The following ENTPD7 variants were observed in gnomAD, a reference collection of about 807,000 sequenced individuals.
ENTPD7 encodes the protein NTPDase 7.
A neutral mutation model predicts 77.9 loss-of-function variants in ENTPD7; 53 were observed. That is an observed-to-expected ratio of 0.68 (90% CI 0.55 to 0.85). ENTPD7 has a LOEUF of 0.85. Among genes scored for constraint, ENTPD7 ranks in the 40% least tolerant of loss-of-function variants. The pLI is 0.00. For missense variants in ENTPD7, 636 were observed against 743.7 expected (o/e 0.86, Z 1.68); for synonymous variants, 248 against 274.9 (o/e 0.90, Z 0.97).
At chr10:99,678,276 G>A (rs1260224096) in intron 3 of ENTPD7, among the ~76,000 whole-genome samples, 3 of 151,524 alleles carry the variant, frequency 2.0e-5, no homozygotes, top group Non-Finnish European at 4.4e-5. Flanking sequence ...AGACCATCCT[G>A]GCTAACACGG....
In ENTPD7 at chr10:99,696,083, A is replaced by G; in HGVS notation, c.971A>G (p.Tyr324Cys). 1 of 1,614,226 alleles carries G rather than the reference A, an allele frequency of 6.2e-7. No homozygotes were observed. The highest frequency in any genetic ancestry group is 8.5e-7 in the Non-Finnish European group (1 of 1,180,030). ...GGAGGCAACTTTGCCCGGCAGCGCT[A>G]CGAAGACCTTGTTCTGAATGAAACT... Reference protein sequence around the residue: ...GFGGNFARQRYEDLVLNETLN... With the variant: ...GFGGNFARQRCEDLVLNETLN... The change falls in exon 9 of 13, where the codon TAC (tyrosine) becomes TGC (cysteine). Residue 324 changes from tyrosine (Y) to cysteine (C), a missense_variant. Physicochemically the swap from Tyr to Cys is radical, Grantham distance 194. Transcript: ENST00000370489.
chr10:99,681,459 T>G (rs1006799301), intron 5 of ENTPD7, among the ~76,000 whole-genome samples: 5 of 152,034 alleles, frequency 3.3e-5, no homozygotes, highest in African/African-American at 9.7e-5. Flanking sequence ...TTTGTATTTT[T>G]TTTTGTAGAG....
chr10:99,685,024 G>A (rs950665015), intron 5 of ENTPD7, among the ~76,000 whole-genome samples: 4 of 152,160 alleles, frequency 2.6e-5, no homozygotes, highest in Non-Finnish European at 5.9e-5. Flanking sequence ...TTGGGAGGCC[G>A]AGGCAGGTGA....
intron 8 of ENTPD7, among the ~76,000 whole-genome samples, chr10:99,693,956 T>C (rs1590051656): frequency 6.6e-6 from 1 of 152,090 alleles, no homozygotes; most frequent in East Asian, 1.9e-4. Flanking sequence ...AGCAATATAA[T>C]GGCTCTTCAA....
At chr10:99,688,891 G>T in intron 7 of ENTPD7, 141 bp downstream of exon 7, 1 of 759,936 alleles carries the variant, frequency 1.3e-6, no homozygotes, top group African/African-American at 1.8e-5. Context: ...GTCCTAATTT[G>T]CTTTCTTTGA....
chr10:99,698,658 T>C lies in ENTPD7; in HGVS notation c.1135T>C (p.Trp379Arg). 6.2e-7 allele frequency: 1 copy of C among 1,614,200 alleles called. No individual in the cohort carries two copies. The highest frequency in any genetic ancestry group is 1.7e-5 in the Admixed American group (1 of 60,008). ...QVLHVRGRGD[W>R]VSCGAMLSPL... is the part of the protein sequence containing the mutation. The stretch of plus-strand genomic sequence containing the variant: ...CTTACATGTCCGAGGAAGAGGAGAC[T>C]GGGTGTCTTGTGGGGCAATGCTGAG... Residue 379 changes from tryptophan to arginine, a missense_variant, in exon 10 of 13, where the codon TGG becomes CGG. Transcript: ENST00000370489.
At chr10:99,662,511 A>G (rs902167968) in intron 3 of ENTPD7, among the ~76,000 whole-genome samples, 1 of 152,114 alleles carries the variant, frequency 6.6e-6, no homozygotes, top group African/African-American at 2.4e-5. Flanking sequence ...TCTACATGTT[A>G]TAAGCTCCAC....
chr10:99,704,540 A>G lies in ENTPD7; in HGVS notation c.1672A>G (p.Ile558Val), dbSNP rs746475001. Residue 558 changes from isoleucine to valine, a missense_variant, in exon 13 of 13, where the codon ATC (isoleucine) becomes GTC (valine). Ile to Val is a conservative substitution (Grantham distance 29). Coordinates refer to ENST00000370489, the MANE Select transcript of ENTPD7 (RefSeq NM_020354.5). ...VYNHYLFFACILVVLLAIFLY... is the reference protein window; with the variant it reads ...VYNHYLFFACVLVVLLAIFLY... ...CAACCACTATCTCTTCTTTGCCTGT[A>G]TCCTGGTGGTGCTACTGGCCATCTT... is the stretch of plus-strand genomic sequence containing the variant. 1.2e-6 allele frequency: 2 copies of G among 1,613,974 alleles called. No individual in the cohort carries two copies. The highest frequency in any genetic ancestry group is 1.7e-6 in the Non-Finnish European group (2 of 1,180,026).
At chr10:99,685,084 C>A (rs1746449079) in intron 5 of ENTPD7, among the ~76,000 whole-genome samples, 1 of 152,086 alleles carries the variant, frequency 6.6e-6, no homozygotes, top group African/African-American at 2.4e-5. Context: ...ATGGTGCAAC[C>A]CCGTCTCTAC....
At chr10:99,692,024 G>T (rs1227954000) in intron 8 of ENTPD7, among the ~76,000 whole-genome samples, 2 of 152,124 alleles carry the variant, frequency 1.3e-5, no homozygotes, top group Non-Finnish European at 2.9e-5. Context: ...GACACTTTTT[G>T]TACAGCCATT....
intron 5 of ENTPD7, among the ~76,000 whole-genome samples, chr10:99,684,831 G>A (rs1819654157): frequency 6.6e-6 from 1 of 152,078 alleles, no homozygotes; most frequent in Non-Finnish European, 1.5e-5. Flanking sequence ...TAGATACAAA[G>A]TTTCAAGTGT....
chr10:99,695,630 C>T (rs2035959116), intron 8 of ENTPD7, among the ~76,000 whole-genome samples: 2 of 151,968 alleles, frequency 1.3e-5, no homozygotes, highest in South Asian at 4.1e-4. Context: ...TAAAATAACA[C>T]ATTCCCATTG....
rs1485297917 is a variant in ENTPD7, at chr10:99,707,100, G to T, written c.*2417G>T. Among the ~76,000 whole-genome samples, 2 of 152,174 alleles carry T rather than the reference G, an allele frequency of 1.3e-5. No homozygotes were observed. Among genetic ancestry groups the T allele is most frequent in the African/African-American group, 4.8e-5 (2 of 41,442 alleles). ...CTATTACTGTTCTTTTTATAGTTGA[G>T]AATCTCAGGATACCTACATTTATCA... On this transcript the variant is annotated 3_prime_UTR_variant, in exon 13 of 13. Coordinates refer to ENST00000370489, the MANE Select transcript of ENTPD7 (RefSeq NM_020354.5).
intron 3 of ENTPD7, among the ~76,000 whole-genome samples, chr10:99,670,215 T>C (rs1441825828): frequency 2.0e-5 from 3 of 152,218 alleles, no homozygotes; most frequent in Non-Finnish European, 4.4e-5. Flanking sequence ...GGGTAGTCAC[T>C]ACCCACAAGT....
At position 99,707,309 on chromosome 10, in the gene ENTPD7, T is replaced by A. The variant is rs1233029614; in HGVS notation, c.*2626T>A. 1.3e-5 allele frequency among the ~76,000 whole-genome samples: 2 copies of A among 152,192 alleles called. No individual in the cohort carries two copies. Among genetic ancestry groups the A allele is most frequent in the Non-Finnish European group, 2.9e-5 (2 of 68,032 alleles). ...ATATCCCTCAGAAGAACTGAATATT[T>A]ATTATTGGTATGGGCTCCTTTGTTT... On this transcript the variant is annotated 3_prime_UTR_variant, in exon 13 of 13. Coordinates refer to ENST00000370489, the MANE Select transcript of ENTPD7 (RefSeq NM_020354.5).
At chr10:99,691,019 C>T (rs1374174354) in intron 7 of ENTPD7, among the ~76,000 whole-genome samples, 1 of 152,060 alleles carries the variant, frequency 6.6e-6, no homozygotes, top group African/African-American at 2.4e-5. Flanking sequence ...GAGACAGGTT[C>T]TCTGTCACTG....
chr10:99,698,594 A>G lies in ENTPD7; in HGVS notation c.1071A>G (p.Pro357=). Residue 357 remains proline, a synonymous_variant, in exon 10 of 13, where the codon CCA becomes CCG. Transcript: ENST00000370489. ...ATCCATTTCTGGATCCCTGCCTGCC[A>G]GTGGGACTCACAGATGTGGTGGAGA... is the stretch of plus-strand genomic sequence containing the variant. ...PDNPFLDPCL[P]VGLTDVVERN... 1 of 1,614,208 alleles carries G rather than the reference A, an allele frequency of 6.2e-7. No homozygotes were observed. The highest frequency in any genetic ancestry group is 8.5e-7 in the Non-Finnish European group (1 of 1,180,034).
chr10:99,704,416 G>GTT (rs767401503), intron 12 of ENTPD7, 36 bp from the exon 13 acceptor site: 1 of 1,608,416 alleles, frequency 6.2e-7, no homozygotes, highest in Admixed American at 1.7e-5. Flanking sequence ...AAACTTAACA[G>GTT]TTTTTTCCAC....
chr10:99,686,270 G>A (rs1219273642), intron 6 of ENTPD7, among the ~76,000 whole-genome samples: 1 of 152,138 alleles, frequency 6.6e-6, no homozygotes, highest in Non-Finnish European at 1.5e-5. Flanking sequence ...TTAAAGTAAG[G>A]AGAAACTTTA....
Sources: gnomAD v4.1 joint callset for allele counts (sites outside exome capture counted in the v4.1 genomes callset) on GRCh38, gnomAD v4.1.1 for gene constraint, MANE v1.5 for transcripts, NCBI Gene and HGNC (gene_info 2026-07-23, HGNC 2026-07-21) for gene names.